The following CR1 variants were observed in gnomAD, a reference collection of about 807,000 sequenced individuals.
CR1 encodes the protein complement C3b/C4b receptor 1 (Knops blood group), also known as complement receptor type 1.
In CR1, 116 loss-of-function variants were observed where a neutral mutation model predicts 187.3. The observed-to-expected ratio is 0.62, with a 90% CI of 0.53 to 0.72. CR1 has a LOEUF of 0.72. Ranked by LOEUF, CR1 falls within the 30% of genes least tolerant of loss-of-function variation. CR1 has a pLI of 0.00. For synonymous variants in CR1, 576 were observed against 747.1 expected (o/e 0.77, Z 3.73); for missense variants, 1,731 against 2,110.7 (o/e 0.82, Z 3.52).
chr1:207,524,979 T>C (rs1460802974), intron 5 of CR1, among the ~76,000 whole-genome samples: 1 of 152,020 alleles, frequency 6.6e-6, no homozygotes, highest in Non-Finnish European at 1.5e-5. Context: ...ACAGGAGGCA[T>C]GGCTAGGGAC....
At chr1:207,585,994 T>A (rs917954723) in intron 33 of CR1, among the ~76,000 whole-genome samples, 3 of 152,096 alleles carry the variant, frequency 2.0e-5, no homozygotes, top group Non-Finnish European at 4.4e-5. Context: ...ACTGAAAAAT[T>A]GTAAAAACTG....
chr1:207,506,846 G>C (rs368340302), intron 3 of CR1, 33 bp downstream of exon 3: 192 of 1,552,146 alleles, frequency 1.2e-4, no homozygotes, highest in Middle Eastern at 1.7e-4. Context: ...AACATCTCTT[G>C]GTTCAAGAGT....
chr1:207,582,561 A>C (rs543269574), intron 32 of CR1, among the ~76,000 whole-genome samples: 73 of 152,348 alleles, frequency 4.8e-4, no homozygotes, highest in South Asian at 2.1e-4. Context: ...TAATTGAGTC[A>C]GTGCTGTCAA....
Position 207,609,673 on chromosome 1 carries a change from C to A in CR1, c.6280C>A (p.Pro2094Thr). 2 of 1,585,576 alleles carry A rather than the reference C, an allele frequency of 1.3e-6. No homozygotes were observed. The highest frequency in any genetic ancestry group is 8.6e-7 in the Non-Finnish European group (1 of 1,166,438). Residue 2094 changes from proline to threonine, a missense_variant, in exon 37 of 47, where the codon CCA (proline) becomes ACA (threonine). Pro to Thr is a conservative substitution (Grantham distance 38). This residue lies in a region of CR1 where 1,312 missense variants were observed against 1,379.6 expected (regional missense o/e 0.95). Transcript: ENST00000367049. ...QTNGRWGPKL[P>T]HCSRVCQPPP... is the part of the protein sequence containing the mutation. ...CAATGGCAGATGGGGGCCCAAGCTG[C>A]CACACTGCTCCAGGGGTGAGTGTGA...
chr1:207,618,390 A>G (rs1310884444), intron 42 of CR1, 143 bp downstream of exon 42: 1 of 747,552 alleles, frequency 1.3e-6, no homozygotes, highest in Non-Finnish European at 2.1e-6. Context: ...TCATTTACAT[A>G]AAATTATTTC....
At chr1:207,633,324 A>T (rs931160340) in intron 46 of CR1, among the ~76,000 whole-genome samples, 1 of 152,226 alleles carries the variant, frequency 6.6e-6, no homozygotes, top group Non-Finnish European at 1.5e-5. Context: ...AAATATAAAA[A>T]ATATAAAAAT....
intron 1 of CR1, 45 bp downstream of exon 1, chr1:207,496,433 AC>A (rs768859252): frequency 2.4e-5 from 38 of 1,555,220 alleles, no homozygotes; most frequent in Non-Finnish European, 3.2e-5. Context: ...CGGACGAGGA[AC>A]CCGGGGCCCC....
At chr1:207,620,165 A>G in intron 43 of CR1, 100 bp downstream of exon 43, 1 of 1,218,458 alleles carries the variant, frequency 8.2e-7, no homozygotes, top group Non-Finnish European at 1.1e-6. Context: ...TTTATGGCAT[A>G]TGCTATGAGC....
chr1:207,512,660 C>T (rs147269753), intron 4 of CR1, among the ~76,000 whole-genome samples: 2,340 of 152,218 alleles, frequency 0.015, 70 homozygotes, highest in African/African-American at 0.054. Flanking sequence ...ATTGGTCACA[C>T]ATTTATTGCT....
At chr1:207,507,785 G>A (rs150306137) in intron 3 of CR1, among the ~76,000 whole-genome samples, 10 of 152,068 alleles carry the variant, frequency 6.6e-5, no homozygotes, top group Non-Finnish European at 1.3e-4. Flanking sequence ...TTTATCCAAA[G>A]GAATTGAAAA....
At chr1:207,516,756 TTTAA>T (rs1404903691) in intron 4 of CR1, among the ~76,000 whole-genome samples, 2 of 152,150 alleles carry the variant, frequency 1.3e-5, no homozygotes, top group Non-Finnish European at 2.9e-5. Flanking sequence ...AATTTCATTC[TTTAA>T]TTATTTACTT....
chr1:207,573,062 A>T (rs1173611458), intron 27 of CR1, among the ~76,000 whole-genome samples: 1 of 152,026 alleles, frequency 6.6e-6, no homozygotes. Context: ...CAGGGACTGG[A>T]GGTTAAGACT....
Position 207,580,250 on chromosome 1 carries a change from G to A in CR1, c.4947G>A (p.Pro1649=), listed in dbSNP as rs548560358. Reference sequence around the variant, plus strand: ...CTGTCCTTTCCACAGTGTGTCAGCCGCCTCCAGAAATCCTGCATGGTGAGC... The same window carrying A: ...CTGTCCTTTCCACAGTGTGTCAGCCACCTCCAGAAATCCTGCATGGTGAGC... ...ELPSCSRVCQ[P]PPEILHGEHT... is the part of the protein sequence containing the mutation. Residue 1649 remains proline, a synonymous_variant, in exon 30 of 47, where the codon CCG becomes CCA. Coordinates refer to ENST00000367049, the MANE Select transcript of CR1 (RefSeq NM_000651.6). 42 of 1,613,518 alleles carry A rather than the reference G, an allele frequency of 2.6e-5. 1 individual carries two copies. Among genetic ancestry groups the A allele is most frequent in the African/African-American group, 1.2e-4 (9 of 74,974 alleles).
chr1:207,510,279 A>G (rs114886545), intron 3 of CR1, among the ~76,000 whole-genome samples: 3,781 of 152,348 alleles, frequency 0.025, 61 homozygotes, highest in Admixed American at 0.033. Context: ...TAATTACATC[A>G]TAATCACTAG....
intron 23 of CR1, among the ~76,000 whole-genome samples, chr1:207,564,623 AAACCCTGTCTCTACTAAAAATAC>A (rs1660432284): frequency 6.7e-6 from 1 of 150,082 alleles, no homozygotes; most frequent in Non-Finnish European, 1.5e-5. Flanking sequence ...CAACATGGTG[AAACCCTGTCTCTACTAAAAATAC>A]AAAAGTTAGC....
chr1:207,636,335 T>C (rs572842931), intron 46 of CR1, among the ~76,000 whole-genome samples: 97 of 152,256 alleles, frequency 6.4e-4, no homozygotes, highest in African/African-American at 2.2e-3. Flanking sequence ...GTTTCAAAAA[T>C]TTGTTCCTTT....
intron 27 of CR1, among the ~76,000 whole-genome samples, chr1:207,574,610 T>A (rs1181633898): frequency 6.6e-6 from 1 of 152,182 alleles, no homozygotes; most frequent in Non-Finnish European, 1.5e-5. Context: ...AATCATAATT[T>A]ACTAATAATC....
rs1430147675 is a variant in CR1, at chr1:207,580,220, T to C, written c.4937-20T>C. 6.2e-7 allele frequency: 1 copy of C among 1,612,496 alleles called. No individual in the cohort carries two copies. The highest frequency in any genetic ancestry group is 1.7e-5 in the Admixed American group (1 of 59,940). The stretch of plus-strand genomic sequence containing the variant: ...ATTCCCCCATAACTAACAAGTACTC[T>C]GGAACTGTCCTTTCCACAGTGTGTC... On this transcript the variant is annotated intron_variant, in intron 29 of 46. Coordinates refer to ENST00000367049, the MANE Select transcript of CR1 (RefSeq NM_000651.6).
At position 207,506,000 on chromosome 1, in the gene CR1, G is replaced by T. The variant is rs1387422169; in HGVS notation, c.218G>T (p.Cys73Phe). 1.4e-5 allele frequency: 23 copies of T among 1,613,836 alleles called. No homozygotes were observed. Among genetic ancestry groups the T allele is most frequent in the Non-Finnish European group, 1.9e-5 (23 of 1,179,880 alleles). Residue 73 changes from cysteine to phenylalanine, a missense_variant, in exon 2 of 47, where the codon TGC becomes TTC. Coordinates refer to ENST00000367049, the MANE Select transcript of CR1 (RefSeq NM_000651.6). ...ATTGGGACATATCTGAACTATGAAT[G>T]CCGCCCTGGTTATTCCGGAAGACCG... ...FPIGTYLNYE[C>F]RPGYSGRPFS...
Sources: gnomAD v4.1 joint callset for allele counts (sites outside exome capture counted in the v4.1 genomes callset) on GRCh38, gnomAD v4.1.1 for gene constraint, gnomAD v4.1.1 regional missense constraint, MANE v1.5 for transcripts, NCBI Gene and HGNC (gene_info 2026-07-23, HGNC 2026-07-21) for gene names.